LONRF1: variants seen among roughly 807,000 people sequenced by gnomAD.
The protein encoded by LONRF1 is LON peptidase N-terminal domain and ring finger 1, also known as LON peptidase N-terminal domain and RING finger protein 1.
Under a neutral mutation model 85.8 loss-of-function variants are expected in LONRF1, and 37 were observed. That is an observed-to-expected ratio of 0.43 (90% CI 0.33 to 0.57). LONRF1 has a LOEUF of 0.57. LONRF1 is among the 20% of genes least tolerant of loss of function. LONRF1 has a pLI of 0.04. For synonymous variants in LONRF1, 517 were observed against 390.1 expected (o/e 1.33, Z -3.83); for missense variants, 1,036 against 978.0 (o/e 1.06, Z -0.79).
intron 1 of LONRF1, among the ~76,000 whole-genome samples, chr8:12,751,436 G>A (rs756184909): frequency 6.7e-6 from 1 of 150,208 alleles, no homozygotes; most frequent in African/African-American, 2.5e-5. Context: ...CTGGAGTAGC[G>A]GGAACTACAG....
At chr8:12,735,575 T>C (rs2117267848) in intron 6 of LONRF1, 175 bp from the exon 7 acceptor site, 2 of 561,314 alleles carry the variant, frequency 3.6e-6, no homozygotes, top group East Asian at 3.0e-5. Context: ...CAGAATGTTT[T>C]AAAATTCTCC....
chr8:12,733,484 T>G (rs1289406864), intron 7 of LONRF1, among the ~76,000 whole-genome samples: 2 of 152,184 alleles, frequency 1.3e-5, no homozygotes, highest in Non-Finnish European at 2.9e-5. Context: ...TTGTTCCCAA[T>G]TTCAGACACA....
chr8:12,742,148 T>C (rs1036554163), intron 2 of LONRF1, among the ~76,000 whole-genome samples: 8 of 152,210 alleles, frequency 5.3e-5, no homozygotes, highest in Admixed American at 2.0e-4. Flanking sequence ...CCATGCACAC[T>C]GACCACTGCC....
At chr8:12,724,450 G>C (rs1331124721) in intron 11 of LONRF1, among the ~76,000 whole-genome samples, 6 of 152,170 alleles carry the variant, frequency 3.9e-5, no homozygotes, top group Non-Finnish European at 8.8e-5. Context: ...TCTGGTGGCA[G>C]ATTCCCTGAC....
intron 2 of LONRF1, 121 bp downstream of exon 2, chr8:12,743,043 G>A: frequency 1.4e-6 from 1 of 698,466 alleles, no homozygotes; most frequent in Non-Finnish European, 2.6e-6. Flanking sequence ...TATTTCTAGA[G>A]CACTAGATAT....
chr8:12,742,220 A>T (rs1326769667), intron 2 of LONRF1, among the ~76,000 whole-genome samples: 15 of 152,190 alleles, frequency 9.9e-5, no homozygotes, highest in Non-Finnish European at 4.4e-5. Flanking sequence ...ATTTCGTATC[A>T]TTTCTCTAAT....
rs1300215770 is a variant in LONRF1 at position 12,736,902 on chromosome 8, C to G, written c.1352G>C (p.Gly451Ala). The change falls in exon 5 of 12, where the codon GGA becomes GCA. Residue 451 changes from glycine (G) to alanine (A), a missense_variant and splice_region_variant. By Grantham distance (60) the Gly-to-Ala change is moderately conservative (BLOSUM62 0). Around this residue, in one of 3 missense-constraint regions of LONRF1, gnomAD observed 742 missense variants for 614.4 expected, o/e 1.21. Transcript: ENST00000398246. ...TAAGTGTAGAGCAAAATTTTTACCT[C>G]CTTGTTTTTTCAGCTTATTTCTTCC... The part of the protein sequence containing the change: ...EDGRNKLKKQ[G>A]ETPNEVCMFS... The G allele has an allele frequency of 6.2e-7, 1 of 1,604,860 alleles. No homozygotes were observed.
chr8:12,723,406 G>A (rs1806003028), intron 11 of LONRF1, 152 bp from the exon 12 acceptor site: 2 of 656,712 alleles, frequency 3.0e-6, no homozygotes, highest in East Asian at 2.9e-5. Flanking sequence ...AGTATAAAAT[G>A]GGAGAAACTG....
At chr8:12,723,837 A>G (rs1397379354) in intron 11 of LONRF1, among the ~76,000 whole-genome samples, 1 of 152,260 alleles carries the variant, frequency 6.6e-6, no homozygotes, top group African/African-American at 2.4e-5. Flanking sequence ...TTGGAAAGAC[A>G]GAAGAAAAAG....
At chr8:12,726,364 C>T (rs926799345) in intron 10 of LONRF1, among the ~76,000 whole-genome samples, 2 of 152,158 alleles carry the variant, frequency 1.3e-5, no homozygotes, top group Non-Finnish European at 2.9e-5. Context: ...TACTAGGGAA[C>T]TGGGTCAAAA....
At chr8:12,752,367 C>G (rs1010625984) in intron 1 of LONRF1, among the ~76,000 whole-genome samples, 4 of 152,172 alleles carry the variant, frequency 2.6e-5, no homozygotes, top group Admixed American at 2.6e-4. Flanking sequence ...TTTACCAACT[C>G]TAATTTGTTA....
intron 8 of LONRF1, among the ~76,000 whole-genome samples, chr8:12,729,899 G>A (rs1218789412): frequency 6.6e-6 from 1 of 152,166 alleles, no homozygotes; most frequent in African/African-American, 2.4e-5. Context: ...GAAAGAGAAG[G>A]ATAAAGGCAA....
chr8:12,746,351 T>A (rs1442894768), intron 1 of LONRF1, among the ~76,000 whole-genome samples: 1 of 152,160 alleles, frequency 6.6e-6, no homozygotes, highest in Non-Finnish European at 1.5e-5. Context: ...GTCCCAACCA[T>A]ACCTAACTAC....
At position 12,754,722 on chromosome 8, in the gene LONRF1, G is replaced by C; in HGVS notation, c.699C>G (p.Ala233=). 1 of 1,396,752 alleles carries C rather than the reference G, an allele frequency of 7.2e-7. No homozygotes were observed. The highest frequency in any genetic ancestry group is 9.2e-7 in the Non-Finnish European group (1 of 1,084,950). The allele number at this position is 1,396,752 out of a possible 1,614,324, so 86.5% of individuals were successfully genotyped here. A position where few individuals can be genotyped will look rare whatever the true frequency, so the allele number is the denominator to read the frequency against. Residue 233 remains alanine, a synonymous_variant, in exon 1 of 12, where the codon GCC becomes GCG. Transcript: ENST00000398246. Reference sequence around the variant, plus strand: ...CACCTGCTCGCAGCGCCTCGCAGGCGGCGGCCAGGGCCTCCCGGTAGCGCC... The same window carrying C: ...CACCTGCTCGCAGCGCCTCGCAGGCCGCGGCCAGGGCCTCCCGGTAGCGCC... The part of the protein sequence containing the change: ...HQGRYREALA[A]ACEALRAEPS...
chr8:12,751,296 G>GTTTTTTTTTTGTTTGTT (rs1563160503), intron 1 of LONRF1, among the ~76,000 whole-genome samples: 268 of 69,476 alleles, frequency 3.9e-3, no homozygotes, highest in East Asian at 8.7e-3. Flanking sequence ...TTATTTTTAT[G>GTTTTTTTTTTGTTTGTT]TTTTTTTTTT....
chr8:12,723,261 A>C lies in LONRF1; in HGVS notation c.2164-7T>G, dbSNP rs1249643884. ...CAGGTCCATTAGGGGCTGCCTAAAA[A>C]CAATGGACAGTTTATAGCATTAATA... On this transcript the variant is annotated splice_polypyrimidine_tract_variant and splice_region_variant and intron_variant, in intron 11 of 11. Coordinates refer to ENST00000398246, the MANE Select transcript of LONRF1 (RefSeq NM_152271.5). The C allele has an allele frequency of 1.2e-6, 2 of 1,602,350 alleles. No homozygotes were observed. The highest frequency in any genetic ancestry group is 2.3e-5 in the South Asian group (2 of 88,648).
chr8:12,754,634 G>A, intron 1 of LONRF1, 66 bp downstream of exon 1: 2 of 1,254,826 alleles, frequency 1.6e-6, no homozygotes, highest in Non-Finnish European at 2.0e-6. Context: ...ACAAGCTCCG[G>A]GTCCCCGGCC....
At chr8:12,737,922 T>C in intron 4 of LONRF1, 73 bp downstream of exon 4, 2 of 1,479,634 alleles carry the variant, frequency 1.4e-6, no homozygotes, top group Non-Finnish European at 1.8e-6. Flanking sequence ...TACTTGAAAC[T>C]AGGAAAGTGA....
chr8:12,732,137 C>A (rs1159215704), intron 7 of LONRF1, among the ~76,000 whole-genome samples: 1 of 152,230 alleles, frequency 6.6e-6, no homozygotes, highest in Non-Finnish European at 1.5e-5. Context: ...CCGCAGAGGG[C>A]CCTGCCCTGC....
Sources: gnomAD v4.1 joint callset for allele counts (sites outside exome capture counted in the v4.1 genomes callset) on GRCh38, gnomAD v4.1.1 for gene constraint, gnomAD v4.1.1 regional missense constraint, MANE v1.5 for transcripts, NCBI Gene and HGNC (gene_info 2026-07-23, HGNC 2026-07-21) for gene names.